Variants in FOCAD observed in about 807,000 individuals in gnomAD.
FOCAD encodes the protein focadhesin.
A neutral mutation model predicts 225.6 loss-of-function variants in FOCAD; 198 were observed. The ratio of observed to expected loss-of-function variants is 0.88; its 90% CI spans 0.78 to 0.99. The LOEUF (loss-of-function observed/expected upper bound fraction) is 0.99, where lower values mean the gene tolerates loss of function less well. Ranked by LOEUF, FOCAD falls within the 50% of genes least tolerant of loss-of-function variation. The pLI is 0.00. For synonymous variants in FOCAD, 897 were observed against 755.0 expected, an observed-to-expected ratio of 1.19 and a Z score of -3.08; for missense variants, 2,713 against 2,123.6, an observed-to-expected ratio of 1.28 and a Z score of -5.46.
chr9:20,937,360 G>A (rs1836093652), intron 28 of FOCAD, among the ~76,000 whole-genome samples: 2 of 152,110 alleles, frequency 1.3e-5, no homozygotes, highest in East Asian at 3.9e-4. Context: ...AAAACAGCAT[G>A]GTACTGGTAC....
At chr9:20,680,116 T>C (rs1822356740), upstream of FOCAD, among the ~76,000 whole-genome samples, 1 of 152,246 alleles carries the variant, frequency 6.6e-6, no homozygotes, top group African/African-American at 2.4e-5. Context: ...CTCCATTCTT[T>C]GCTTTCAGCT....
chr9:20,785,100 G>A (rs10964697), intron 10 of FOCAD, among the ~76,000 whole-genome samples: 53,471 of 151,718 alleles, frequency 0.35, 9,815 homozygotes, highest in Middle Eastern at 0.39. Flanking sequence ...ATATTAACTG[G>A]TTTGATTTTA....
chr9:20,862,944 TA>T, intron 16 of FOCAD: 1 of 333,236 alleles, frequency 3.0e-6, no homozygotes, highest in South Asian at 1.3e-4. Context: ...GTCAAGATTT[TA>T]AAGTCAATAT....
intron 21 of FOCAD, among the ~76,000 whole-genome samples, chr9:20,902,034 G>A (rs1312382008): frequency 1.3e-5 from 2 of 151,908 alleles, no homozygotes; most frequent in Non-Finnish European, 2.9e-5. Context: ...ATGATAGTAT[G>A]ATTTTCACAC....
At chr9:20,829,252 A>C (rs1825240977) in intron 15 of FOCAD, among the ~76,000 whole-genome samples, 1 of 152,098 alleles carries the variant, frequency 6.6e-6, no homozygotes, top group African/African-American at 2.4e-5. Flanking sequence ...ATTTCCACCA[A>C]CAGTGTAAAA....
At chr9:20,863,777 C>T (rs1408427991) in intron 16 of FOCAD, among the ~76,000 whole-genome samples, 1 of 152,026 alleles carries the variant, frequency 6.6e-6, no homozygotes, top group Admixed American at 6.6e-5. Context: ...AATGTAAGGC[C>T]ATATTGGGTA....
At chr9:20,831,407 A>G (rs1427814744) in intron 15 of FOCAD, among the ~76,000 whole-genome samples, 1 of 152,122 alleles carries the variant, frequency 6.6e-6, no homozygotes, top group Non-Finnish European at 1.5e-5. Context: ...TGTTAACCTT[A>G]AAATAAAAAT....
chr9:20,916,773 A>G lies in FOCAD; in HGVS notation c.2808-120A>G, dbSNP rs1191984480. 1.1e-5 allele frequency: 9 copies of G among 840,506 alleles called. No individual in the cohort carries two copies. The East Asian group carries it at 1.7e-4, about 16-fold the overall frequency. The allele number at this position is 840,506 out of a possible 1,614,324, so 52.1% of individuals were successfully genotyped here. A position where few individuals can be genotyped will look rare whatever the true frequency, so the allele number is the denominator to read the frequency against. On this transcript the variant is annotated intron_variant, in intron 23 of 43. Transcript: ENST00000338382. Reference sequence around the variant, plus strand: ...TTCTTTCACCTTATACTGAAATTCTACCTGTATAGTTTTAAGATCTGGAGC... The same window carrying G: ...TTCTTTCACCTTATACTGAAATTCTGCCTGTATAGTTTTAAGATCTGGAGC...
intron 1 of FOCAD, among the ~76,000 whole-genome samples, chr9:20,707,289 T>G (rs1389341062): frequency 6.6e-6 from 1 of 152,222 alleles, no homozygotes; most frequent in Non-Finnish European, 1.5e-5. Context: ...TTAATTTTAA[T>G]GTGTCTTAAT....
chr9:20,938,579 T>TGG (rs1836267754), intron 28 of FOCAD, among the ~76,000 whole-genome samples: 1 of 124,352 alleles, frequency 8.0e-6, no homozygotes, highest in African/African-American at 3.1e-5. Flanking sequence ...GGGCCTGTTG[T>TGG]GGGGTGGGGG....
chr9:20,706,513 TGATATG>T (rs1292354966), intron 1 of FOCAD, among the ~76,000 whole-genome samples: 36 of 152,268 alleles, frequency 2.4e-4, no homozygotes, highest in Non-Finnish European at 1.2e-4. Flanking sequence ...TACGATGCAG[TGATATG>T]GAATTGTGCA....
intron 1 of FOCAD, among the ~76,000 whole-genome samples, chr9:20,697,936 G>A (rs1823508757): frequency 6.6e-6 from 1 of 152,200 alleles, no homozygotes. Context: ...GAACTCTGCA[G>A]GACCATTATA....
At chr9:20,800,902 C>A (rs1821744483) in intron 11 of FOCAD, among the ~76,000 whole-genome samples, 1 of 152,268 alleles carries the variant, frequency 6.6e-6, no homozygotes, top group South Asian at 2.1e-4. Context: ...GAGCTGCATT[C>A]CTTTGGAGGA....
intron 4 of FOCAD, among the ~76,000 whole-genome samples, chr9:20,722,806 A>T (rs1257473599): frequency 6.6e-6 from 1 of 152,136 alleles, no homozygotes; most frequent in African/African-American, 2.4e-5. Context: ...ATTTTACCTT[A>T]CCTTTTTTAT....
chr9:20,679,473 C>G (rs577163404), upstream of FOCAD, among the ~76,000 whole-genome samples: 5 of 152,100 alleles, frequency 3.3e-5, no homozygotes, highest in African/African-American at 1.2e-4. Context: ...GGTGACATGA[C>G]CTTCCTTACA....
chr9:20,899,826 C>T lies in FOCAD; in HGVS notation c.2626-7324C>T, dbSNP rs532798643. ...TCTTTTCTTAAAGTGAAATTCTCCC[C>T]TGTTACTTTTAGAAGAATCATAGAC... On this transcript the variant is annotated intron_variant, in intron 21 of 43. Coordinates refer to ENST00000338382, the MANE Select transcript of FOCAD (RefSeq NM_001375567.1). Among the ~76,000 whole-genome samples the T allele has an allele frequency of 2.0e-5, 3 of 151,698 alleles. 1 individual carries two copies. The highest frequency in any genetic ancestry group is 4.1e-4 in the South Asian group (2 of 4,822).
chr9:20,764,234 C>A (rs1188311653), intron 6 of FOCAD, among the ~76,000 whole-genome samples: 1 of 152,066 alleles, frequency 6.6e-6, no homozygotes, highest in Non-Finnish European at 1.5e-5. Context: ...ATCCTGACAT[C>A]TGTAATTCTA....
chr9:20,737,984 A>T (rs1189276412), intron 4 of FOCAD, among the ~76,000 whole-genome samples: 1 of 152,204 alleles, frequency 6.6e-6, no homozygotes, highest in Non-Finnish European at 1.5e-5. Flanking sequence ...AGGTGTTGTG[A>T]AGAGTTGTGA....
intron 5 of FOCAD, among the ~76,000 whole-genome samples, chr9:20,740,649 A>G (rs1489480748): frequency 6.6e-6 from 1 of 152,162 alleles, no homozygotes; most frequent in Non-Finnish European, 1.5e-5. Flanking sequence ...ATGAAAATGG[A>G]AGACTTCATT....
Sources: gnomAD v4.1 joint callset for allele counts (sites outside exome capture counted in the v4.1 genomes callset) on GRCh38, gnomAD v4.1.1 for gene constraint, MANE v1.5 for transcripts, NCBI Gene and HGNC (gene_info 2026-07-23, HGNC 2026-07-21) for gene names.